Variants in LRP2 observed in about 807,000 individuals in gnomAD.
LRP2 encodes low-density lipoprotein receptor-related protein 2.
Under a neutral mutation model 531.0 loss-of-function variants are expected in LRP2, and 172 were observed. That is an observed-to-expected ratio of 0.32 (90% CI 0.29 to 0.37). The LOEUF is 0.37. LRP2 is among the 10% of genes least tolerant of loss of function. LRP2 has a pLI of 1.00. For synonymous variants in LRP2, 1,992 were observed against 2,027.6 expected (o/e 0.98, Z 0.47); for missense variants, 5,167 against 5,868.3 (o/e 0.88, Z 3.90).
intron 19 of LRP2, among the ~76,000 whole-genome samples, chr2:169,251,078 C>T (rs1690164109): frequency 6.5e-5 from 1 of 15,420 alleles, no homozygotes; most frequent in African/African-American, 4.9e-4. Context: ...TTAGACAGAT[C>T]AACGAGACAG....
intron 72 of LRP2, 59 bp downstream of exon 72, chr2:169,140,396 T>C (rs1685675400): frequency 1.5e-6 from 2 of 1,333,850 alleles, no homozygotes; most frequent in Admixed American, 3.4e-5. Context: ...TACTTTAAGG[T>C]CTCAAATTTC....
intron 1 of LRP2, among the ~76,000 whole-genome samples, chr2:169,338,507 A>G (rs1685483147): frequency 6.6e-6 from 1 of 152,250 alleles, no homozygotes; most frequent in South Asian, 2.1e-4. Flanking sequence ...TCCAGAAGGC[A>G]TGCTTTATAG....
rs746752313 is a variant in LRP2, at chr2:169,257,123, C to T, written c.2639+1G>A. The T allele has an allele frequency of 6.8e-6, 11 of 1,612,330 alleles. No individual in the cohort carries two copies. The highest frequency in any genetic ancestry group is 1.3e-5 in the African/African-American group (1 of 74,836). Reference sequence around the variant, plus strand: ...TATCGGGGATGATGATTCCTACTTACGCCCAATCGATGGCCAAGCCATTGG... The same window carrying T: ...TATCGGGGATGATGATTCCTACTTATGCCCAATCGATGGCCAAGCCATTGG... On this transcript the variant is annotated splice_donor_variant, in intron 18 of 78. Coordinates refer to ENST00000649046, the MANE Select transcript of LRP2 (RefSeq NM_004525.3). LOFTEE classifies it high-confidence loss of function.
At chr2:169,284,151 T>C (rs1204017175) in intron 9 of LRP2, among the ~76,000 whole-genome samples, 1 of 152,064 alleles carries the variant, frequency 6.6e-6, no homozygotes. Context: ...GCAGCAACTG[T>C]CAGAGTTGTG....
chr2:169,185,655 T>C lies in LRP2; in HGVS notation c.9693A>G (p.Ala3231=), dbSNP rs1170211650. 3.7e-6 allele frequency: 6 copies of C among 1,614,048 alleles called. No individual in the cohort carries two copies. The East Asian group carries it at 1.1e-4, about 30-fold the overall frequency. ...TCTTCTCTACTCGGTCAAAATCTAA[T>C]GCCACAACATTGTCCAGTCCTTCCA... The part of the protein sequence containing the change: ...LILEGLDNVV[A]LDFDRVEKRL... Residue 3231 remains alanine, a synonymous_variant, in exon 50 of 79, where the codon GCA becomes GCG. Coordinates refer to ENST00000649046, the MANE Select transcript of LRP2 (RefSeq NM_004525.3).
chr2:169,165,749 C>T (rs1288733570), intron 62 of LRP2, among the ~76,000 whole-genome samples, 183 bp downstream of exon 62: 13 of 152,186 alleles, frequency 8.5e-5, no homozygotes, highest in Admixed American at 7.9e-4. Context: ...CAGGAAGAAA[C>T]AGGCAGGGTT....
chr2:169,279,924 T>C (rs1035519140), intron 11 of LRP2, among the ~76,000 whole-genome samples: 1 of 152,198 alleles, frequency 6.6e-6, no homozygotes, highest in Admixed American at 6.5e-5. Flanking sequence ...TTAAACAAAA[T>C]ACCGTCAATA....
In LRP2 at chr2:169,206,699, C is replaced by A. The variant is rs780948885; in HGVS notation, c.7021G>T (p.Val2341Phe). 19 of 1,614,154 alleles carry A rather than the reference C, an allele frequency of 1.2e-5. No individual in the cohort carries two copies. The highest frequency in any genetic ancestry group is 1.6e-5 in the Non-Finnish European group (19 of 1,180,024). The change falls in exon 39 of 79, where the codon GTC becomes TTC. Residue 2341 changes from valine to phenylalanine, a missense_variant. By Grantham distance (50) the Val-to-Phe change is conservative (BLOSUM62 -1). Transcript: ENST00000649046. ...KQVQPRSPAE[V>F]NNNPCLENNG... ...TTTTCCAAGCAAGGGTTGTTGTTGA[C>A]CTCTGCTGGTGACCGGGGCTGGACT... is the stretch of plus-strand genomic sequence containing the variant.
At chr2:169,152,484 C>T (rs1253869968) in intron 67 of LRP2, among the ~76,000 whole-genome samples, 1 of 152,116 alleles carries the variant, frequency 6.6e-6, no homozygotes, top group Non-Finnish European at 1.5e-5. Flanking sequence ...GGCAAGAATG[C>T]TATTCACTTA....
chr2:169,338,449 A>AAAGGAAGG (rs146499920), intron 1 of LRP2, among the ~76,000 whole-genome samples: 2 of 151,026 alleles, frequency 1.3e-5, no homozygotes, highest in African/African-American at 2.4e-5. Context: ...CGGAGGGAGG[A>AAAGGAAGG]AAGGAAGGAA....
intron 16 of LRP2, among the ~76,000 whole-genome samples, chr2:169,262,578 G>T (rs1335608809): frequency 6.7e-6 from 1 of 149,842 alleles, no homozygotes; most frequent in Non-Finnish European, 1.5e-5. Context: ...ACAAACCACT[G>T]CTCAATGAAA....
At chr2:169,354,850 T>C (rs575269825) in intron 1 of LRP2, among the ~76,000 whole-genome samples, 20 of 152,346 alleles carry the variant, frequency 1.3e-4, no homozygotes, top group South Asian at 6.2e-4. Context: ...TGCACCAAGA[T>C]GTGTTCTGTC....
At chr2:169,274,140 C>G (rs1402418391) in intron 14 of LRP2, among the ~76,000 whole-genome samples, 2 of 152,136 alleles carry the variant, frequency 1.3e-5, no homozygotes, top group Non-Finnish European at 2.9e-5. Flanking sequence ...CTGTTTTCCT[C>G]TAAATTATTG....
intron 52 of LRP2, among the ~76,000 whole-genome samples, chr2:169,180,630 T>C (rs1290518912): frequency 6.6e-6 from 1 of 152,312 alleles, no homozygotes; most frequent in Admixed American, 6.5e-5. Context: ...CTACACTGAC[T>C]TTGGCAGCAA....
chr2:169,157,851 T>C (rs1686390806), intron 63 of LRP2, among the ~76,000 whole-genome samples: 1 of 150,658 alleles, frequency 6.6e-6, no homozygotes, highest in Non-Finnish European at 1.5e-5. Flanking sequence ...TTAATCCTAT[T>C]GCAAATAGAT....
intron 3 of LRP2, among the ~76,000 whole-genome samples, chr2:169,313,162 C>A (rs568934179): frequency 1.3e-5 from 2 of 152,212 alleles, no homozygotes; most frequent in Admixed American, 1.3e-4. Flanking sequence ...CCCCCTTTAG[C>A]TTGGGGAAGT....
intron 56 of LRP2, among the ~76,000 whole-genome samples, chr2:169,173,640 A>G (rs1687081058): frequency 6.6e-6 from 1 of 152,240 alleles, no homozygotes; most frequent in Admixed American, 6.5e-5. Context: ...GTGAGAAAGC[A>G]GTAGATATAT....
At chr2:169,340,844 C>T (rs11889511) in intron 1 of LRP2, among the ~76,000 whole-genome samples, 2 of 151,998 alleles carry the variant, frequency 1.3e-5, no homozygotes, top group East Asian at 3.9e-4. Context: ...GATGGAGTTG[C>T]TTTACTATAA....
Position 169,236,004 on chromosome 2 carries a change from C to T in LRP2, c.4756G>A (p.Gly1586Ser), listed in dbSNP as rs879832194. The T allele has an allele frequency of 1.1e-5, 17 of 1,614,076 alleles. No homozygotes were observed. The highest frequency in any genetic ancestry group is 1.4e-5 in the Non-Finnish European group (16 of 1,180,048). ...HPRIERASMDGSMRTVIVQDK... is the reference protein window; with the variant it reads ...HPRIERASMDSSMRTVIVQDK... ...TGGACAATGACAGTGCGCATGCTGC[C>T]GTCCATGCTGGCTCGCTCGATGCGA... The change falls in exon 29 of 79, where the codon GGC becomes AGC. Residue 1586 changes from glycine to serine, a missense_variant. By Grantham distance (56) the Gly-to-Ser change is moderately conservative. This residue lies in a region of LRP2 where 2,811 missense variants were observed against 3,058.0 expected (regional missense o/e 0.92). Coordinates refer to ENST00000649046, the MANE Select transcript of LRP2 (RefSeq NM_004525.3).
Sources: allele counts gnomAD v4.1 joint callset (sites outside exome capture counted in the v4.1 genomes callset), GRCh38; gene constraint gnomAD v4.1.1; regional missense constraint gnomAD v4.1.1; transcripts MANE v1.5; gene names NCBI Gene and HGNC (gene_info 2026-07-23, HGNC 2026-07-21).